Variants in ARHGEF2 observed in about 807,000 individuals in gnomAD.
The protein encoded by ARHGEF2 is rho guanine nucleotide exchange factor 2.
A neutral mutation model predicts 121.0 loss-of-function variants in ARHGEF2; 22 were observed. The ratio of observed to expected loss-of-function variants is 0.18; its 90% CI spans 0.13 to 0.26. The LOEUF (loss-of-function observed/expected upper bound fraction) is 0.26. Ranked by LOEUF, ARHGEF2 falls within the 10% of genes least tolerant of loss-of-function variation. ARHGEF2 has a pLI of 1.00. For synonymous variants in ARHGEF2, 487 were observed against 530.0 expected (o/e 0.92, Z 1.11); for missense variants, 907 against 1,336.0 (o/e 0.68, Z 5.01).
intron 1 of ARHGEF2, chr1:155,970,342 C>G: frequency 1.0e-6 from 1 of 985,588 alleles, no homozygotes; most frequent in Non-Finnish European, 1.2e-6. Flanking sequence ...TCCAATCTGT[C>G]CCTCTTCAAG....
At chr1:155,964,216 AT>A (rs1234592071) in intron 7 of ARHGEF2, among the ~76,000 whole-genome samples, 77 of 119,174 alleles carry the variant, frequency 6.5e-4, no homozygotes, top group Admixed American at 2.8e-3. Flanking sequence ...ATATATATAT[AT>A]TTTTTTTTTA....
At position 155,965,014 on chromosome 1, in the gene ARHGEF2, ACCT is replaced by A. The variant is rs1352867290; in HGVS notation, c.695_697del (p.Glu232del). The A allele has an allele frequency of 6.2e-7, 1 of 1,613,824 alleles. No homozygotes were observed. Among genetic ancestry groups the A allele is most frequent in the Admixed American group, 1.7e-5 (1 of 59,972 alleles). ...ATAGATGACATCTTGCTGCTTCATC[ACCT>A]CCTTTTTATGCTGCTGCAGGAAGCT... is the stretch of plus-strand genomic sequence containing the variant. On this transcript the variant is annotated inframe_deletion, in exon 7 of 22. Coordinates refer to ENST00000361247, the MANE Select transcript of ARHGEF2 (RefSeq NM_001162383.2). This position sits in a 1 kb window ranked among gnomAD's most constrained non-coding sequence, Gnocchi z 6.0.
chr1:155,979,203 C>T, upstream of ARHGEF2: 1 of 985,612 alleles, frequency 1.0e-6, no homozygotes, highest in Non-Finnish European at 1.2e-6. Flanking sequence ...TGACCCCACT[C>T]TGCCCTCCTC....
rs1158234654 is a variant in ARHGEF2 at position 155,950,540 on chromosome 1, A to C, written c.2704-58T>G. 6.4e-7 allele frequency: 1 copy of C among 1,567,502 alleles called. No individual in the cohort carries two copies. Among genetic ancestry groups the C allele is most frequent in the African/African-American group, 1.3e-5 (1 of 74,076 alleles). Reference sequence around the variant, plus strand: ...AGGGACTGAGTAGTGTGAAGATTGGAGGTTCTGCTTGGCTGAAGGCAGCAG... The same window carrying C: ...AGGGACTGAGTAGTGTGAAGATTGGCGGTTCTGCTTGGCTGAAGGCAGCAG... On this transcript the variant is annotated intron_variant, in intron 20 of 21. Transcript: ENST00000361247. The surrounding 1 kb of genome is among the most constrained non-coding windows in gnomAD (Gnocchi z 5.2).
Position 155,950,335 on chromosome 1 carries a change from C to T in ARHGEF2, c.2851G>A (p.Gly951Ser), listed in dbSNP as rs56794580. The change falls in exon 21 of 22, where the codon GGT (glycine) becomes AGT (serine). Residue 951 changes from glycine (G) to serine (S), a missense_variant. Transcript: ENST00000361247. The surrounding 1 kb of genome is among the most constrained non-coding windows in gnomAD (Gnocchi z 5.2). ...SDPDTGSEEE[G>S]SSRLSPPHSP... ...TGGGGCGGAGACAGACGGCTGCTACCTTCCTCCTCGCTGCCAGTGTCAGGG... is the reference window on the plus strand; with the variant it reads ...TGGGGCGGAGACAGACGGCTGCTACTTTCCTCCTCGCTGCCAGTGTCAGGG... 5 of 1,613,576 alleles carry T rather than the reference C, an allele frequency of 3.1e-6. No homozygotes were observed. Among genetic ancestry groups the T allele is most frequent in the Non-Finnish European group, 4.2e-6 (5 of 1,180,022 alleles).
chr1:155,966,926 G>A, intron 2 of ARHGEF2, 39 bp from the exon 3 acceptor site: 1 of 1,593,724 alleles, frequency 6.3e-7, no homozygotes, highest in Non-Finnish European at 8.6e-7. Context: ...GGAGGGCCGG[G>A]TGGTACAGGA....
intron 14 of ARHGEF2, among the ~76,000 whole-genome samples, chr1:155,953,256 ACT>A (rs1415926075): frequency 2.5e-5 from 3 of 121,468 alleles, no homozygotes; most frequent in Admixed American, 2.0e-4. Context: ...ACACAGCAAG[ACT>A]CTGTCTCAAA....
chr1:155,953,557 C>T (rs554075848), intron 14 of ARHGEF2, among the ~76,000 whole-genome samples: 5 of 151,900 alleles, frequency 3.3e-5, no homozygotes, highest in African/African-American at 4.8e-5. Flanking sequence ...GCCTGGCCAA[C>T]ATGGTGAAAC....
In ARHGEF2 at chr1:155,969,320, G is replaced by A; in HGVS notation, c.64-20C>T. 6.2e-7 allele frequency: 1 copy of A among 1,612,852 alleles called. No individual in the cohort carries two copies. Among genetic ancestry groups the A allele is most frequent in the Non-Finnish European group, 8.5e-7 (1 of 1,179,370 alleles). ...CCGGGTCTGTGGAAGGGATGAGAGG[G>A]AGAGGAAGTGAGGCTGGAAAATGCC... On this transcript the variant is annotated intron_variant, in intron 1 of 21. Transcript: ENST00000361247.
chr1:155,959,706 G>A (rs752820549), intron 11 of ARHGEF2, among the ~76,000 whole-genome samples: 16 of 151,860 alleles, frequency 1.1e-4, no homozygotes, highest in Non-Finnish European at 1.8e-4. Flanking sequence ...TGCCATGCCT[G>A]GCTAATTTTT....
chr1:155,971,883 T>TAAAAAAAAAA (rs58112413), intron 1 of ARHGEF2, among the ~76,000 whole-genome samples: 43 of 140,390 alleles, frequency 3.1e-4, no homozygotes, highest in African/African-American at 1.1e-3. Flanking sequence ...CCCATCTCTA[T>TAAAAAAAAAA]AAAAAAAAAA....
At chr1:155,977,371 T>C (rs931109152) in intron 1 of ARHGEF2, among the ~76,000 whole-genome samples, 1 of 151,870 alleles carries the variant, frequency 6.6e-6, no homozygotes, top group Admixed American at 6.6e-5. Flanking sequence ...TGGGGCTGGG[T>C]ACAAAGGCAG....
At position 155,958,347 on chromosome 1, in the gene ARHGEF2, C is replaced by T. The variant is rs1378456908; in HGVS notation, c.1518G>A (p.Lys506=). 1.3e-5 allele frequency: 21 copies of T among 1,613,688 alleles called. No homozygotes were observed. Among genetic ancestry groups the T allele is most frequent in the Non-Finnish European group, 1.5e-5 (18 of 1,179,816 alleles). Reference sequence around the variant, plus strand: ...GGGTAGGAAAGATGTACTTCTGGTCCTTTTCCTGGAGAAACACCAGTACAT... The same window carrying T: ...GGGTAGGAAAGATGTACTTCTGGTCTTTTTCCTGGAGAAACACCAGTACAT... The part of the protein sequence containing the change: ...MTDVLVFLQE[K]DQKYIFPTLD... The change falls in exon 12 of 22, where the codon AAG becomes AAA. Residue 506 remains lysine (K), a synonymous_variant. Coordinates refer to ENST00000361247, the MANE Select transcript of ARHGEF2 (RefSeq NM_001162383.2).
Position 155,978,391 on chromosome 1 carries a change from C to T in ARHGEF2, c.37G>A (p.Asp13Asn), listed in dbSNP as rs1056478574. ...RIESLTRARIDRSRELASKTR... is the reference protein window; with the variant it reads ...RIESLTRARINRSRELASKTR... ...TTGCTCGCCAGCTCTCTGCTCCGGT[C>T]GATCCGCGCCCGCGTGAGGGATTCG... is the stretch of plus-strand genomic sequence containing the variant. The change falls in exon 1 of 22, where the codon GAC becomes AAC. Residue 13 changes from aspartate to asparagine, a missense_variant. Coordinates refer to ENST00000361247, the MANE Select transcript of ARHGEF2 (RefSeq NM_001162383.2). The surrounding 1 kb of genome is among the most constrained non-coding windows in gnomAD (Gnocchi z 4.1). 12 of 1,518,096 alleles carry T rather than the reference C, an allele frequency of 7.9e-6. No individual in the cohort carries two copies. Among genetic ancestry groups the T allele is most frequent in the South Asian group, 3.7e-5 (3 of 82,000 alleles). 94.0% of individuals were successfully genotyped at this position (1,518,096 alleles called of 1,614,324 possible).
chr1:155,966,794 G>A, intron 3 of ARHGEF2, 26 bp downstream of exon 3: 1 of 1,586,520 alleles, frequency 6.3e-7, no homozygotes, highest in Non-Finnish European at 8.7e-7. Context: ...CTCTCCCCCA[G>A]CCCTCTGCCC....
rs751383204 is a variant in ARHGEF2, at chr1:155,963,055, C to T, written c.853G>A (p.Glu285Lys). ...VVQGLFPCVD[E>K]LSDIHTRFLS... ...AAGCGTGTATGGATGTCACTGAGCT[C>T]GTCCACGCAGGGGAACAGGCCCTGG... The change falls in exon 8 of 22, where the codon GAG becomes AAG. Residue 285 changes from glutamate (E) to lysine (K), a missense_variant. This residue lies in a region of ARHGEF2 where 475 missense variants were observed against 776.5 expected (regional missense o/e 0.61). Transcript: ENST00000361247. 6.8e-6 allele frequency: 11 copies of T among 1,614,030 alleles called. No homozygotes were observed. The highest frequency in any genetic ancestry group is 3.3e-5 in the South Asian group (3 of 91,094).
At chr1:155,959,068 TG>T (rs1426070090) in intron 11 of ARHGEF2, among the ~76,000 whole-genome samples, 1 of 152,064 alleles carries the variant, frequency 6.6e-6, no homozygotes, top group Non-Finnish European at 1.5e-5. Context: ...ACAGACCCCC[TG>T]GGATGTCAGG....
Position 155,957,877 on chromosome 1 carries a change from C to G in ARHGEF2, c.1551G>C (p.Lys517Asn). Residue 517 changes from lysine to asparagine, a missense_variant, in exon 13 of 22, where the codon AAG becomes AAC. Lys to Asn is a moderately conservative substitution (Grantham distance 94). Around this residue, in one of 2 missense-constraint regions of ARHGEF2, gnomAD observed 475 missense variants for 776.5 expected, o/e 0.61. Transcript: ENST00000361247. ...GATTCTGCAGCGATACCACTGAAGGCTTGTCCTGCCAGTCAGGGGAAAGGA... is the reference window on the plus strand; with the variant it reads ...GATTCTGCAGCGATACCACTGAAGGGTTGTCCTGCCAGTCAGGGGAAAGGA... ...DQKYIFPTLD[K>N]PSVVSLQNLI... The G allele has an allele frequency of 6.2e-7, 1 of 1,613,260 alleles. No individual in the cohort carries two copies. The highest frequency in any genetic ancestry group is 8.5e-7 in the Non-Finnish European group (1 of 1,179,600).
At chr1:155,970,033 A>G (rs1021229278) in intron 1 of ARHGEF2, 5 of 985,242 alleles carry the variant, frequency 5.1e-6, no homozygotes, top group Admixed American at 1.2e-4. Context: ...TAAGTAAGGA[A>G]GCTCAGCCAG....
Sources: gnomAD v4.1 joint callset for allele counts (sites outside exome capture counted in the v4.1 genomes callset) on GRCh38, gnomAD v4.1.1 for gene constraint, gnomAD v4.1.1 regional missense constraint, Gnocchi (gnomAD v3.1) non-coding constraint, MANE v1.5 for transcripts, NCBI Gene and HGNC (gene_info 2026-07-23, HGNC 2026-07-21) for gene names.